Variants in NRXN3 observed in about 807,000 individuals in gnomAD.
NRXN3 encodes the protein neurexin 3.
Under a neutral mutation model 137.6 loss-of-function variants are expected in NRXN3, and 32 were observed. That is an observed-to-expected ratio of 0.23 (90% CI 0.18 to 0.31). The LOEUF (loss-of-function observed/expected upper bound fraction) is 0.31. Ranked by LOEUF, NRXN3 falls within the 10% of genes least tolerant of loss-of-function variation. The pLI is 1.00. For synonymous variants in NRXN3, 798 were observed against 784.5 expected, an observed-to-expected ratio of 1.02 and a Z score of -0.29; for missense variants, 1,574 against 2,062.5, an observed-to-expected ratio of 0.76 and a Z score of 4.59.
intron 20 of NRXN3, among the ~76,000 whole-genome samples, chr14:79,821,735 A>G (rs1381947367): frequency 1.4e-5 from 2 of 142,358 alleles, no homozygotes; most frequent in South Asian, 2.2e-4. Context: ...ACCTCAAACT[A>G]TAAGCTTGAT....
At position 79,561,659 on chromosome 14, in the gene NRXN3, C is replaced by T. The variant is rs920123; in HGVS notation, c.3444+94257C>T. Among the ~76,000 whole-genome samples the T allele has an allele frequency of 6.3e-3, 958 of 152,166 alleles. 12 individuals are homozygous for T. The highest frequency in any genetic ancestry group is 0.037 in the Middle Eastern group (11 of 294). On this transcript the variant is annotated intron_variant, in intron 16 of 20. Coordinates refer to ENST00000335750, the MANE Select transcript of NRXN3 (RefSeq NM_001330195.2). ...GGACACTCTTATGAACTGTTTACAT[C>T]TGCTATTGACTGATCTCGTTGCGTT...
chr14:78,701,204 G>A (rs2098274715), intron 6 of NRXN3, among the ~76,000 whole-genome samples: 1 of 152,216 alleles, frequency 6.6e-6, no homozygotes, highest in Non-Finnish European at 1.5e-5. Context: ...CAGGCATGGA[G>A]CATTCAATAA....
chr14:78,390,129 C>T (rs750387649), intron 4 of NRXN3, among the ~76,000 whole-genome samples: 36 of 152,248 alleles, frequency 2.4e-4, no homozygotes, highest in African/African-American at 7.2e-4. Context: ...ACACCGGGTA[C>T]GGCAAGTCCT....
At chr14:79,721,411 A>G (rs1156914833) in intron 19 of NRXN3, among the ~76,000 whole-genome samples, 4 of 152,122 alleles carry the variant, frequency 2.6e-5, no homozygotes, top group Non-Finnish European at 4.4e-5. Context: ...ATGCAAAAAA[A>G]TCCCAAGTAT....
intron 15 of NRXN3, among the ~76,000 whole-genome samples, chr14:79,366,720 T>C (rs566116340): frequency 6.6e-6 from 1 of 152,314 alleles, no homozygotes; most frequent in East Asian, 1.9e-4. Flanking sequence ...CAAAGAACTA[T>C]AGTGTTTTTA....
At chr14:78,821,658 A>G (rs527699071) in intron 10 of NRXN3, among the ~76,000 whole-genome samples, 32 of 152,100 alleles carry the variant, frequency 2.1e-4, no homozygotes, top group Admixed American at 4.6e-4. Context: ...TACCTTTCCC[A>G]TCTCACAGAG....
intron 15 of NRXN3, among the ~76,000 whole-genome samples, chr14:79,199,518 T>C (rs915240768): frequency 6.6e-6 from 1 of 152,230 alleles, no homozygotes; most frequent in African/African-American, 2.4e-5. Flanking sequence ...TTACCAGAGT[T>C]CACACTTTCA....
intron 12 of NRXN3, 23 bp from the exon 13 acceptor site, chr14:78,967,185 T>G (rs2099419474): frequency 2.7e-5 from 8 of 291,568 alleles, no homozygotes; most frequent in Non-Finnish European, 3.6e-5. Context: ...CCAATTATTG[T>G]TTTTTTTTTT....
At chr14:78,978,793 A>G (rs993494629) in intron 14 of NRXN3, among the ~76,000 whole-genome samples, 1 of 148,850 alleles carries the variant, frequency 6.7e-6, no homozygotes, top group African/African-American at 2.4e-5. Flanking sequence ...TTATTTATAT[A>G]CATATGTATA....
At chr14:78,623,573 T>C (rs1346620117) in intron 4 of NRXN3, among the ~76,000 whole-genome samples, 1 of 152,184 alleles carries the variant, frequency 6.6e-6, no homozygotes, top group East Asian at 1.9e-4. Flanking sequence ...TTTTATTTTA[T>C]TTTTATTTTT....
intron 4 of NRXN3, among the ~76,000 whole-genome samples, chr14:78,377,498 T>C (rs577453699): frequency 2.6e-5 from 4 of 152,346 alleles, no homozygotes; most frequent in African/African-American, 9.6e-5. Context: ...TAATTGGTAA[T>C]AAATTGATAT....
intron 16 of NRXN3, among the ~76,000 whole-genome samples, chr14:79,490,255 A>T (rs2096703698): frequency 1.3e-5 from 2 of 152,182 alleles, no homozygotes; most frequent in South Asian, 4.1e-4. Flanking sequence ...AACAGTTTGG[A>T]GGTTCCTCAA....
intron 10 of NRXN3, among the ~76,000 whole-genome samples, chr14:78,849,769 A>G (rs1057248851): frequency 5.9e-5 from 9 of 152,088 alleles, no homozygotes; most frequent in African/African-American, 2.2e-4. Flanking sequence ...CAGAGCCAAC[A>G]TGTTGCTCTT....
intron 15 of NRXN3, among the ~76,000 whole-genome samples, chr14:79,314,514 G>C (rs1240680730): frequency 5.6e-5 from 2 of 35,718 alleles, no homozygotes; most frequent in Non-Finnish European, 5.2e-5. Flanking sequence ...GCCCAGGCTT[G>C]CTTAGGTAAA....
intron 2 of NRXN3, among the ~76,000 whole-genome samples, chr14:78,270,577 T>C (rs1314237056): frequency 1.3e-5 from 2 of 152,246 alleles, no homozygotes; most frequent in East Asian, 3.8e-4. Flanking sequence ...AAATGCCTTT[T>C]GTTTGCAAGG....
chr14:79,498,832 T>C (rs865849577), intron 16 of NRXN3, among the ~76,000 whole-genome samples: 3 of 152,236 alleles, frequency 2.0e-5, no homozygotes, highest in Non-Finnish European at 4.4e-5. Context: ...TGTCCCATGC[T>C]GGAGTGCAGT....
At chr14:79,003,988 CA>C (rs1346141027) in intron 15 of NRXN3, among the ~76,000 whole-genome samples, 2 of 151,774 alleles carry the variant, frequency 1.3e-5, no homozygotes, top group East Asian at 3.9e-4. Context: ...AGAAAGAATT[CA>C]AAAAAGAAAA....
chr14:79,712,839 G>A (rs1010988093), intron 19 of NRXN3, among the ~76,000 whole-genome samples: 4 of 152,116 alleles, frequency 2.6e-5, no homozygotes, highest in East Asian at 1.9e-4. Context: ...TTCCTTGCTC[G>A]TCATGCTGGA....
chr14:79,115,329 A>AAG (rs2054254271), intron 15 of NRXN3, among the ~76,000 whole-genome samples: 1 of 151,184 alleles, frequency 6.6e-6, no homozygotes, highest in African/African-American at 2.4e-5. Flanking sequence ...CTGTCTCAAA[A>AAG]AAAAAAAAAA....
Sources: gnomAD v4.1 joint callset for allele counts (sites outside exome capture counted in the v4.1 genomes callset) on GRCh38, gnomAD v4.1.1 for gene constraint, MANE v1.5 for transcripts, NCBI Gene and HGNC (gene_info 2026-07-23, HGNC 2026-07-21) for gene names.